QTMAN: variants seen among roughly 807,000 people sequenced by gnomAD.
The protein encoded by QTMAN is queuosine-tRNA mannosyltransferase.
the QTMAN span, among the ~76,000 whole-genome samples, chr2:144,017,138 G>A: frequency 6.6e-6 from 1 of 151,838 alleles, no homozygotes; most frequent in Non-Finnish European, 1.5e-5. Flanking sequence ...CTGAGTAGCT[G>A]GGATTACAGG....
At chr2:144,019,435 GGTGTGTGTGTGTGTGTGTGT>G in the QTMAN span, among the ~76,000 whole-genome samples, 11 of 117,224 alleles carry the variant, frequency 9.4e-5, no homozygotes, top group African/African-American at 2.8e-4. Context: ...TAAGCATGCA[GGTGTGTGTGTGTGTGTGTGT>G]GTGTGTGTGT....
chr2:144,227,883 A>G, the QTMAN span, among the ~76,000 whole-genome samples: 2 of 152,248 alleles, frequency 1.3e-5, no homozygotes, highest in African/African-American at 4.8e-5. Flanking sequence ...TCTAGGGGCT[A>G]GAAAGCGAAA....
the QTMAN span, chr2:143,952,728 A>G: frequency 0.099 from 116,689 of 1,182,376 alleles, 6,299 homozygotes; most frequent in African/African-American, 0.16. Context: ...AGCATGAATC[A>G]TATATTAAAT....
At chr2:144,219,327 C>T in the QTMAN span, among the ~76,000 whole-genome samples, 1 of 152,094 alleles carries the variant, frequency 6.6e-6, no homozygotes, top group African/African-American at 2.4e-5. Flanking sequence ...GACGGGATTT[C>T]ACCATGTTGG....
At chr2:144,277,057 T>A in the QTMAN span, among the ~76,000 whole-genome samples, 3 of 152,166 alleles carry the variant, frequency 2.0e-5, no homozygotes, top group Admixed American at 2.0e-4. Context: ...ATCAGAAAAG[T>A]TCTAGTATGA....
chr2:144,001,917 G>A, the QTMAN span, among the ~76,000 whole-genome samples: 13 of 151,812 alleles, frequency 8.6e-5, no homozygotes, highest in South Asian at 8.3e-4. Flanking sequence ...ATTTACCTAC[G>A]TCACATCGAT....
At chr2:144,048,117 G>A in the QTMAN span, among the ~76,000 whole-genome samples, 1 of 152,168 alleles carries the variant, frequency 6.6e-6, no homozygotes, top group Non-Finnish European at 1.5e-5. Flanking sequence ...CACCAGATTA[G>A]CTGCTGAAAA....
the QTMAN span, among the ~76,000 whole-genome samples, chr2:144,013,174 A>G: frequency 6.6e-6 from 1 of 152,182 alleles, no homozygotes. Context: ...ACATGTTACT[A>G]TATATTATAA....
At chr2:143,973,665 T>C in the QTMAN span, among the ~76,000 whole-genome samples, 1 of 152,042 alleles carries the variant, frequency 6.6e-6, no homozygotes, top group East Asian at 1.9e-4. Flanking sequence ...GGCGCACGCT[T>C]GTAGTCCCAG....
chr2:144,280,821 T>A, the QTMAN span, among the ~76,000 whole-genome samples: 1 of 151,512 alleles, frequency 6.6e-6, no homozygotes, highest in Non-Finnish European at 1.5e-5. Context: ...AATAAATACA[T>A]AAAAAGATGC....
At chr2:144,312,548 G>A in the QTMAN span, among the ~76,000 whole-genome samples, 2 of 152,044 alleles carry the variant, frequency 1.3e-5, no homozygotes, top group East Asian at 1.9e-4. Context: ...ATGCCATCTC[G>A]ACTGACGCCA....
chr2:144,220,021 T>C, the QTMAN span, among the ~76,000 whole-genome samples: 9 of 152,212 alleles, frequency 5.9e-5, no homozygotes, highest in Admixed American at 2.6e-4. Context: ...GATTTGCTAA[T>C]AGTTTAAGAC....
At chr2:144,002,200 T>G in the QTMAN span, among the ~76,000 whole-genome samples, 1 of 151,934 alleles carries the variant, frequency 6.6e-6, no homozygotes, top group Non-Finnish European at 1.5e-5. Flanking sequence ...TTTATTTAAG[T>G]TCATCCCCTC....
chr2:144,058,090 GA>G, the QTMAN span, among the ~76,000 whole-genome samples: 13 of 129,112 alleles, frequency 1.0e-4, no homozygotes, highest in African/African-American at 1.2e-4. Flanking sequence ...AAACCAGAAG[GA>G]AAAAAAAAAG....
chr2:143,948,608 T>C, the QTMAN span, among the ~76,000 whole-genome samples: 2 of 152,158 alleles, frequency 1.3e-5, no homozygotes, highest in Non-Finnish European at 2.9e-5. Context: ...AGCTATAAAA[T>C]GTCTTTCAAC....
the QTMAN span, among the ~76,000 whole-genome samples, chr2:144,142,240 T>C: frequency 1.3e-5 from 2 of 152,068 alleles, no homozygotes; most frequent in South Asian, 2.1e-4. Context: ...ATTAGTGTTA[T>C]ATCACAGGGA....
chr2:144,230,995 A>G, the QTMAN span, among the ~76,000 whole-genome samples: 1 of 152,214 alleles, frequency 6.6e-6, no homozygotes, highest in African/African-American at 2.4e-5. Flanking sequence ...ATAAAAAGTG[A>G]GCAGTGTGAG....
At chr2:144,108,292 T>G in the QTMAN span, among the ~76,000 whole-genome samples, 1 of 152,120 alleles carries the variant, frequency 6.6e-6, no homozygotes, top group South Asian at 2.1e-4. Flanking sequence ...GGGTATTCAA[T>G]TAGGAAAAGA....
the QTMAN span, among the ~76,000 whole-genome samples, chr2:144,108,075 C>T: frequency 5.3e-5 from 8 of 152,122 alleles, no homozygotes; most frequent in Non-Finnish European, 1.0e-4. Flanking sequence ...TAAAAACTCT[C>T]GATAAATTAG....
Sources: gnomAD v4.1 joint callset for allele counts (sites outside exome capture counted in the v4.1 genomes callset) on GRCh38, gnomAD v4.1.1 for gene constraint, MANE v1.5 for transcripts, NCBI Gene and HGNC (gene_info 2026-07-23, HGNC 2026-07-21) for gene names.